SARS1: variants seen among roughly 807,000 people sequenced by gnomAD.
The protein encoded by SARS1 is serine--tRNA ligase, cytoplasmic.
Under a neutral mutation model 63.7 loss-of-function variants are expected in SARS1, and 25 were observed. The ratio of observed to expected loss-of-function variants is 0.39; its 90% CI spans 0.29 to 0.55. The LOEUF is 0.55. SARS1 is among the 20% of genes least tolerant of loss of function. The pLI, the probability that SARS1 is intolerant of heterozygous loss-of-function variation, is 0.62. For missense variants in SARS1, 417 were observed against 649.7 expected (o/e 0.64, Z 3.89); for synonymous variants, 231 against 243.5 (o/e 0.95, Z 0.48).
At chr1:109,216,590 G>GTT (rs34647086) in intron 1 of SARS1, 5 of 937,258 alleles carry the variant, frequency 5.3e-6, no homozygotes, top group Non-Finnish European at 6.3e-6. Flanking sequence ...ATCCTGAGTG[G>GTT]TTTTTTTTTT....
At chr1:109,233,969 A>G (rs953122564) in intron 6 of SARS1, among the ~76,000 whole-genome samples, 1 of 143,514 alleles carries the variant, frequency 7.0e-6, no homozygotes, top group African/African-American at 2.5e-5. Flanking sequence ...CACCGAGTTC[A>G]AGGGATTATC....
In SARS1 at chr1:109,236,521, T is replaced by C. The variant is rs1201132221; in HGVS notation, c.1230T>C (p.Tyr410=). Reference sequence around the variant, plus strand: ...AGGCTCGCCGGCTTCGAATCCGATATGGGCAAACCAAGAAGATGATGGACA... The same window carrying C: ...AGGCTCGCCGGCTTCGAATCCGATACGGGCAAACCAAGAAGATGATGGACA... The part of the protein sequence containing the change: ...DYQARRLRIR[Y]GQTKKMMDKV... Residue 410 remains tyrosine, a synonymous_variant, in exon 9 of 11, where the codon TAT becomes TAC. Coordinates refer to ENST00000234677, the MANE Select transcript of SARS1 (RefSeq NM_006513.4). The C allele has an allele frequency of 2.5e-6, 4 of 1,604,934 alleles. No individual in the cohort carries two copies. Among genetic ancestry groups the C allele is most frequent in the East Asian group, 2.2e-5 (1 of 44,546 alleles).
chr1:109,215,010 C>G, intron 1 of SARS1: 1 of 985,458 alleles, frequency 1.0e-6, no homozygotes, highest in Middle Eastern at 5.2e-4. Context: ...TGCAATAGGT[C>G]TGCAACCATC....
At chr1:109,220,072 A>G (rs1654896522) in intron 1 of SARS1, among the ~76,000 whole-genome samples, 1 of 152,244 alleles carries the variant, frequency 6.6e-6, no homozygotes, top group Admixed American at 6.5e-5. Flanking sequence ...TTTATAGGGT[A>G]CAATGTAATG....
intron 6 of SARS1, among the ~76,000 whole-genome samples, chr1:109,232,082 C>T (rs965391944): frequency 6.6e-6 from 1 of 152,190 alleles, no homozygotes; most frequent in Non-Finnish European, 1.5e-5. Context: ...CATACTTGAA[C>T]ACCATGAGCT....
chr1:109,228,453 A>C, intron 3 of SARS1, 21 bp downstream of exon 3: 1 of 1,520,228 alleles, frequency 6.6e-7, no homozygotes. Flanking sequence ...GTTCTTTTCT[A>C]AGTTAGGATC....
At position 109,237,406 on chromosome 1, in the gene SARS1, C is replaced by T. The variant is rs757108137; in HGVS notation, c.1387+33C>T. The stretch of plus-strand genomic sequence containing the variant: ...TCCCAGCTCATCTCATCGTTCTCCT[C>T]TTTTCTGTCTTCACACTCTTCTAAA... On this transcript the variant is annotated intron_variant, in intron 10 of 10. Transcript: ENST00000234677. This position sits in a 1 kb window ranked among gnomAD's most constrained non-coding sequence, Gnocchi z 4.1. 6.2e-7 allele frequency: 1 copy of T among 1,613,938 alleles called. No homozygotes were observed. Among genetic ancestry groups the T allele is most frequent in the African/African-American group, 1.3e-5 (1 of 74,936 alleles).
intron 2 of SARS1, among the ~76,000 whole-genome samples, chr1:109,226,838 G>A (rs1404908879): frequency 6.7e-6 from 1 of 149,986 alleles, no homozygotes; most frequent in African/African-American, 2.4e-5. Context: ...GCCCACCTCA[G>A]CCTACCATGT....
intron 1 of SARS1, among the ~76,000 whole-genome samples, chr1:109,223,642 A>T (rs931565411): frequency 6.6e-6 from 1 of 152,150 alleles, no homozygotes; most frequent in Non-Finnish European, 1.5e-5. Context: ...CGTCTCTTCC[A>T]AAAACACAAA....
chr1:109,213,964 C>G lies in SARS1; in HGVS notation c.-29C>G. On this transcript the variant is annotated 5_prime_UTR_variant, in exon 1 of 11. Coordinates refer to ENST00000234677, the MANE Select transcript of SARS1 (RefSeq NM_006513.4). ...GAGTGCTGCGGCGCGATCCTTGCTT[C>G]CCTGAGCGTTGGCCCGGGAGGAAAG... 1.3e-6 allele frequency: 2 copies of G among 1,597,200 alleles called. No homozygotes were observed. Among genetic ancestry groups the G allele is most frequent in the Non-Finnish European group, 1.7e-6 (2 of 1,170,492 alleles).
Position 109,236,502 on chromosome 1 carries a change from G to A in SARS1, c.1211G>A (p.Arg404His), listed in dbSNP as rs768887631. 4 of 1,607,134 alleles carry A rather than the reference G, an allele frequency of 2.5e-6. No individual in the cohort carries two copies. The highest frequency in any genetic ancestry group is 1.7e-5 in the Admixed American group (1 of 59,904). ...SCSNCTDYQARRLRIRYGQTK... is the reference protein window; with the variant it reads ...SCSNCTDYQAHRLRIRYGQTK... ...TCTAATTGCACGGATTACCAGGCTC[G>A]CCGGCTTCGAATCCGATATGGGCAA... Residue 404 changes from arginine to histidine, a missense_variant, in exon 9 of 11, where the codon CGC (arginine) becomes CAC (histidine). Transcript: ENST00000234677.
chr1:109,234,955 G>A (rs2101206766), intron 6 of SARS1, among the ~76,000 whole-genome samples: 1 of 152,272 alleles, frequency 6.6e-6, no homozygotes, highest in Admixed American at 6.5e-5. Flanking sequence ...AGCAGAGTGA[G>A]GCTCTGTCTC....
chr1:109,232,333 C>G (rs1268887067), intron 6 of SARS1, among the ~76,000 whole-genome samples: 4 of 152,226 alleles, frequency 2.6e-5, no homozygotes, highest in Admixed American at 2.0e-4. Context: ...TTCTGATCAA[C>G]TGGCTCTAAC....
intron 6 of SARS1, among the ~76,000 whole-genome samples, chr1:109,232,093 T>G (rs1655223323): frequency 6.6e-6 from 1 of 152,202 alleles, no homozygotes; most frequent in South Asian, 2.1e-4. Flanking sequence ...ACCATGAGCT[T>G]AGAAAAGAAG....
chr1:109,228,361 C>T lies in SARS1; in HGVS notation c.217C>T (p.Pro73Ser), dbSNP rs765779299. ...TIGEKMKKKE[P>S]VGDDESVPEN... ...TTTTTCCTTCCTGCAGAAAAAAGAG[C>T]CAGTGGGAGATGATGAGTCTGTCCC... The change falls in exon 3 of 11, where the codon CCA becomes TCA. Residue 73 changes from proline (P) to serine (S), a missense_variant. Physicochemically the swap from Pro to Ser is moderately conservative, Grantham distance 74 (BLOSUM62 -1). Transcript: ENST00000234677. 5 of 1,610,908 alleles carry T rather than the reference C, an allele frequency of 3.1e-6. No individual in the cohort carries two copies. Among genetic ancestry groups the T allele is most frequent in the Admixed American group, 3.4e-5 (2 of 59,506 alleles).
At position 109,214,344 on chromosome 1, in the gene SARS1, C is replaced by T. The variant is rs1654735446; in HGVS notation, c.136+216C>T. 6.6e-6 allele frequency among the ~76,000 whole-genome samples: 1 copy of T among 152,208 alleles called. No individual in the cohort carries two copies. Among genetic ancestry groups the T allele is most frequent in the South Asian group, 2.1e-4 (1 of 4,830 alleles). ...CCCGGGCGGAGCGAGGTCCCTTCCA[C>T]GCGTGCTCAGTGCCGTTCGCTGCCA... On this transcript the variant is annotated intron_variant, in intron 1 of 10. Transcript: ENST00000234677. The surrounding 1 kb of genome is among the most constrained non-coding windows in gnomAD (Gnocchi z 4.6).
At chr1:109,229,286 T>G in intron 3 of SARS1, 128 bp from the exon 4 acceptor site, 1 of 900,322 alleles carries the variant, frequency 1.1e-6, no homozygotes, top group Non-Finnish European at 1.7e-6. Context: ...AAGTCTTCGT[T>G]TCCAGTTTTT....
chr1:109,235,391 G>A lies in SARS1; in HGVS notation c.929G>A (p.Arg310His), dbSNP rs371205093. 30 of 1,613,652 alleles carry A rather than the reference G, an allele frequency of 1.9e-5. No homozygotes were observed. The highest frequency in any genetic ancestry group is 4.5e-5 in the East Asian group (2 of 44,894). Reference sequence around the variant, plus strand: ...CGTCAGGAGGTGGGCTCCCATGGCCGTGACACCCGTGGCATCTTCCGAGTC... The same window carrying A: ...CGTCAGGAGGTGGGCTCCCATGGCCATGACACCCGTGGCATCTTCCGAGTC... ...CFRQEVGSHG[R>H]DTRGIFRVHQ... The change falls in exon 7 of 11, where the codon CGT becomes CAT. Residue 310 changes from arginine (R) to histidine (H), a missense_variant. Around this residue, in one of 3 missense-constraint regions of SARS1, gnomAD observed 359 missense variants for 529.6 expected, o/e 0.68. Transcript: ENST00000234677. This position sits in a 1 kb window ranked among gnomAD's most constrained non-coding sequence, Gnocchi z 4.7.
intron 1 of SARS1, among the ~76,000 whole-genome samples, chr1:109,222,004 ATATATATT>A (rs569649449): frequency 6.3e-4 from 7 of 11,108 alleles, no homozygotes; most frequent in African/African-American, 2.8e-3. Context: ...ATATATATAT[ATATATATT>A]TTTTTTTTTT....
Sources: gnomAD v4.1 joint callset for allele counts (sites outside exome capture counted in the v4.1 genomes callset) on GRCh38, gnomAD v4.1.1 for gene constraint, gnomAD v4.1.1 regional missense constraint, Gnocchi (gnomAD v3.1) non-coding constraint, MANE v1.5 for transcripts, NCBI Gene and HGNC (gene_info 2026-07-23, HGNC 2026-07-21) for gene names.